MGMT: variants seen among roughly 807,000 people sequenced by gnomAD.
MGMT encodes O-6-methylguanine-DNA methyltransferase, also known as methylated-DNA--protein-cysteine methyltransferase.
A neutral mutation model predicts 15.9 loss-of-function variants in MGMT; 14 were observed. The ratio of observed to expected loss-of-function variants is 0.88; its 90% CI spans 0.58 to 1.37. The LOEUF is 1.37. Ranked by LOEUF, MGMT falls within the 40% of genes most tolerant of loss-of-function variation. The pLI is 0.00. For synonymous variants in MGMT, 130 were observed against 118.2 expected (o/e 1.10, Z -0.65); for missense variants, 282 against 268.1 (o/e 1.05, Z -0.36).
At chr10:129,706,801 A>G (rs1848168673) in intron 2 of MGMT, among the ~76,000 whole-genome samples, 1 of 152,196 alleles carries the variant, frequency 6.6e-6, no homozygotes, top group Admixed American at 6.5e-5. Flanking sequence ...ACACAGCCCC[A>G]GAAAATCCAC....
At chr10:129,685,709 AG>A (rs1232974840) in intron 2 of MGMT, among the ~76,000 whole-genome samples, 1 of 152,270 alleles carries the variant, frequency 6.6e-6, no homozygotes, top group African/African-American at 2.4e-5. Flanking sequence ...GCTCATTCAA[AG>A]AAAGTCATGT....
At chr10:129,636,802 C>T (rs1007148340) in intron 2 of MGMT, among the ~76,000 whole-genome samples, 2 of 152,098 alleles carry the variant, frequency 1.3e-5, no homozygotes, top group African/African-American at 4.8e-5. Flanking sequence ...ATTATATAAT[C>T]TTTTGAGTCA....
At chr10:129,600,100 G>A (rs1381259315) in intron 2 of MGMT, among the ~76,000 whole-genome samples, 1 of 152,190 alleles carries the variant, frequency 6.6e-6, no homozygotes, top group Non-Finnish European at 1.5e-5. Flanking sequence ...TCTGTGTGGT[G>A]CAGGGAGTCT....
rs141960848 is a variant in MGMT, at chr10:129,663,106, TAC to T, written c.126-44787_126-44786del. Among the ~76,000 whole-genome samples the T allele has an allele frequency of 8.9e-3, 1,352 of 152,252 alleles. 14 individuals carry two copies. The highest frequency in any genetic ancestry group is 0.028 in the African/African-American group (1,178 of 41,566). Reference sequence around the variant, plus strand: ...TAGAAAATACGTCTGTTTCTCAACATACATGGAATATTTACAAAAGCTTATCA... The same window carrying T: ...TAGAAAATACGTCTGTTTCTCAACATATGGAATATTTACAAAAGCTTATCA... On this transcript the variant is annotated intron_variant, in intron 2 of 4. Transcript: ENST00000651593.
chr10:129,739,664 C>T (rs1408655894), intron 3 of MGMT, among the ~76,000 whole-genome samples: 2 of 152,080 alleles, frequency 1.3e-5, no homozygotes, highest in Non-Finnish European at 2.9e-5. Context: ...GGTCAGAACC[C>T]CTATACCAAG....
At chr10:129,681,533 G>A (rs2133120584) in intron 2 of MGMT, among the ~76,000 whole-genome samples, 1 of 152,284 alleles carries the variant, frequency 6.6e-6, no homozygotes, top group African/African-American at 2.4e-5. Flanking sequence ...CTTTTGCTCT[G>A]CAAAAGGTCT....
At chr10:129,603,604 A>C (rs1846850574) in intron 2 of MGMT, among the ~76,000 whole-genome samples, 1 of 152,232 alleles carries the variant, frequency 6.6e-6, no homozygotes, top group Non-Finnish European at 1.5e-5. Flanking sequence ...GCCAGATAAT[A>C]CTGAAACAAT....
chr10:129,494,473 A>G (rs1845500983), intron 1 of MGMT, among the ~76,000 whole-genome samples: 1 of 152,150 alleles, frequency 6.6e-6, no homozygotes, highest in South Asian at 2.1e-4. Context: ...TCAAGTCCTC[A>G]TTACCTTCTG....
chr10:129,735,485 A>G (rs1485495778), intron 3 of MGMT, among the ~76,000 whole-genome samples: 1 of 151,906 alleles, frequency 6.6e-6, no homozygotes, highest in Non-Finnish European at 1.5e-5. Context: ...CGGTCTATCA[A>G]TTTTGTTGAT....
In MGMT at chr10:129,491,074, C is replaced by T. The variant is rs947779765; in HGVS notation, c.-13+23778C>T. Among the ~76,000 whole-genome samples the T allele has an allele frequency of 1.4e-4, 21 of 152,156 alleles. No individual in the cohort carries two copies. In the East Asian group the frequency reaches 1.6e-3, roughly 11 times the overall value. On this transcript the variant is annotated intron_variant, in intron 1 of 4. Transcript: ENST00000651593. Reference sequence around the variant, plus strand: ...TTTAAACGTTTGGTGTTTGTGTCACCGTGCCCCATGCTTGCCCTCCAGTGC... The same window carrying T: ...TTTAAACGTTTGGTGTTTGTGTCACTGTGCCCCATGCTTGCCCTCCAGTGC...
intron 3 of MGMT, among the ~76,000 whole-genome samples, chr10:129,747,288 C>T (rs2133176821): frequency 6.6e-6 from 1 of 152,042 alleles, no homozygotes; most frequent in South Asian, 2.1e-4. Context: ...CCTCATCTTG[C>T]TTTTTTTGCA....
intron 2 of MGMT, among the ~76,000 whole-genome samples, chr10:129,603,454 A>G (rs1370979890): frequency 6.6e-6 from 1 of 152,270 alleles, no homozygotes; most frequent in East Asian, 1.9e-4. Context: ...GCATAATAAT[A>G]GCAAACTGCA....
intron 2 of MGMT, among the ~76,000 whole-genome samples, chr10:129,699,143 A>T (rs933794847): frequency 1.3e-5 from 2 of 152,152 alleles, no homozygotes; most frequent in Admixed American, 1.3e-4. Flanking sequence ...ATAAAATACA[A>T]TTTTCCTTTT....
intron 2 of MGMT, among the ~76,000 whole-genome samples, chr10:129,689,701 T>C (rs1372085646): frequency 6.6e-6 from 1 of 152,180 alleles, no homozygotes; most frequent in East Asian, 1.9e-4. Context: ...TCTGTTGGAA[T>C]TGTTGAGAAG....
rs1848975664 is a variant in MGMT, at chr10:129,769,351, A to T, written c.*2354A>T. ...TAGAGCCGCTCTGCCTCCAAGCTGC[A>T]GCGCCGTTCGTGAAAATACAGAGGG... On this transcript the variant is annotated 3_prime_UTR_variant, in exon 5 of 5. Transcript: ENST00000651593. The T allele has an allele frequency of 6.6e-6, 1 of 152,224 alleles. No individual in the cohort carries two copies. The highest frequency in any genetic ancestry group is 1.5e-5 in the Non-Finnish European group (1 of 68,062). 9.4% of individuals were successfully genotyped at this position (152,224 alleles called of 1,614,324 possible). A position where few individuals can be genotyped will look rare whatever the true frequency, so the allele number is the denominator to read the frequency against.
chr10:129,661,697 TA>T (rs1847600187), intron 2 of MGMT, among the ~76,000 whole-genome samples: 1 of 152,260 alleles, frequency 6.6e-6, no homozygotes, highest in Non-Finnish European at 1.5e-5. Context: ...GCTGGAGTTT[TA>T]AAGTTTTCCG....
At chr10:129,761,456 A>G (rs117360361) in intron 4 of MGMT, among the ~76,000 whole-genome samples, 1,582 of 152,346 alleles carry the variant, frequency 0.01, 12 homozygotes, top group Non-Finnish European at 0.017. Flanking sequence ...TGGTGATGCC[A>G]GCAGTTTCTC....
intron 2 of MGMT, among the ~76,000 whole-genome samples, chr10:129,612,795 A>T (rs1455787788): frequency 2.0e-5 from 3 of 152,330 alleles, no homozygotes; most frequent in Admixed American, 1.3e-4. Context: ...TCGTTTCGGC[A>T]TCTCTGTAAA....
intron 2 of MGMT, among the ~76,000 whole-genome samples, chr10:129,680,873 G>A (rs1040800007): frequency 6.6e-6 from 1 of 152,180 alleles, no homozygotes; most frequent in African/African-American, 2.4e-5. Context: ...CCCCACAGGG[G>A]CCTTGGGCAC....
Sources: gnomAD v4.1 joint callset for allele counts (sites outside exome capture counted in the v4.1 genomes callset) on GRCh38, gnomAD v4.1.1 for gene constraint, MANE v1.5 for transcripts, NCBI Gene and HGNC (gene_info 2026-07-23, HGNC 2026-07-21) for gene names.